The following FAM184A variants were observed in gnomAD, a reference collection of about 807,000 sequenced individuals.
The protein encoded by FAM184A is family with sequence similarity 184 member A.
Under a neutral mutation model 143.8 loss-of-function variants are expected in FAM184A, and 99 were observed. The observed-to-expected ratio is 0.69, with a 90% CI of 0.58 to 0.81. FAM184A has a LOEUF of 0.81. FAM184A is among the 40% of genes least tolerant of loss of function. The pLI is 0.00. For missense variants in FAM184A, 1,217 were observed against 1,310.5 expected (o/e 0.93, Z 1.10); for synonymous variants, 427 against 446.4 (o/e 0.96, Z 0.55).
At chr6:119,130,692 T>C (rs1364914593) in intron 1 of FAM184A, among the ~76,000 whole-genome samples, 1 of 151,452 alleles carries the variant, frequency 6.6e-6, no homozygotes, top group African/African-American at 2.4e-5. Context: ...TAAACAAACG[T>C]CAAATTGCCA....
chr6:119,142,924 G>A (rs1192554921), intron 1 of FAM184A, among the ~76,000 whole-genome samples: 2 of 152,180 alleles, frequency 1.3e-5, no homozygotes, highest in Non-Finnish European at 2.9e-5. Context: ...CGCCAAGTGA[G>A]AACACAGACA....
chr6:119,093,964 T>A (rs1462842565), intron 1 of FAM184A, among the ~76,000 whole-genome samples: 3 of 152,008 alleles, frequency 2.0e-5, no homozygotes, highest in African/African-American at 7.2e-5. Flanking sequence ...TGCCCTTTCA[T>A]CTTTTTTTCC....
intron 1 of FAM184A, among the ~76,000 whole-genome samples, chr6:119,128,396 A>C (rs1429552462): frequency 6.6e-6 from 1 of 152,184 alleles, no homozygotes; most frequent in East Asian, 1.9e-4. Flanking sequence ...TCTGATGGTT[A>C]TCTTGGGTAA....
chr6:119,111,183 A>G (rs931885952), intron 1 of FAM184A, among the ~76,000 whole-genome samples: 2 of 152,258 alleles, frequency 1.3e-5, no homozygotes, highest in African/African-American at 4.8e-5. Context: ...ATATAATATT[A>G]TTCAGCCTCA....
intron 1 of FAM184A, among the ~76,000 whole-genome samples, chr6:119,051,772 T>C (rs1000245889): frequency 6.6e-6 from 1 of 152,208 alleles, no homozygotes; most frequent in African/African-American, 2.4e-5. Context: ...ATGTGTTATC[T>C]TGTCTGATCG....
At chr6:118,975,886 AATC>A in intron 12 of FAM184A, 28 bp downstream of exon 12, 1 of 1,591,328 alleles carries the variant, frequency 6.3e-7, no homozygotes, top group Non-Finnish European at 8.5e-7. Flanking sequence ...AAATTTAAGA[AATC>A]ATCAGAGTAC....
upstream of FAM184A, among the ~76,000 whole-genome samples, chr6:119,080,928 G>A (rs988856656): frequency 3.3e-5 from 5 of 152,162 alleles, no homozygotes; most frequent in African/African-American, 1.2e-4. Flanking sequence ...TCTGCTTCTG[G>A]AGAGGCCTCG....
At chr6:119,048,503 C>T (rs1163989829) in intron 1 of FAM184A, among the ~76,000 whole-genome samples, 1 of 152,076 alleles carries the variant, frequency 6.6e-6, no homozygotes. Context: ...GCCAAAAGCT[C>T]CTTCAGCTGA....
At chr6:119,005,824 A>C (rs1784899879) in intron 7 of FAM184A, 1 of 419,156 alleles carries the variant, frequency 2.4e-6, no homozygotes, top group Admixed American at 3.7e-5. Flanking sequence ...GCTGTGCTTC[A>C]TAAGAGTGGA....
At chr6:118,982,186 C>T (rs1456391611) in intron 9 of FAM184A, among the ~76,000 whole-genome samples, 3 of 151,996 alleles carry the variant, frequency 2.0e-5, no homozygotes, top group Admixed American at 6.6e-5. Context: ...TTGAAGACAG[C>T]CTAGAAAGAA....
At chr6:118,989,309 T>C (rs912382210) in intron 9 of FAM184A, among the ~76,000 whole-genome samples, 3 of 151,460 alleles carry the variant, frequency 2.0e-5, no homozygotes, top group African/African-American at 7.3e-5. Context: ...TACATACCCC[T>C]CCCTCCCTCC....
intron 1 of FAM184A, among the ~76,000 whole-genome samples, chr6:119,061,170 A>G (rs1787221397): frequency 2.0e-5 from 3 of 152,202 alleles, no homozygotes; most frequent in Non-Finnish European, 4.4e-5. Flanking sequence ...AGGTATAGGT[A>G]AAAGAGCTAG....
At chr6:119,064,189 C>T (rs1787358271) in intron 1 of FAM184A, among the ~76,000 whole-genome samples, 1 of 152,146 alleles carries the variant, frequency 6.6e-6, no homozygotes, top group Non-Finnish European at 1.5e-5. Flanking sequence ...CTCCATCCTA[C>T]CTCACTTCCT....
chr6:119,007,817 T>C (rs1051436243), intron 6 of FAM184A, among the ~76,000 whole-genome samples: 1 of 152,002 alleles, frequency 6.6e-6, no homozygotes, highest in Non-Finnish European at 1.5e-5. Context: ...GGCGCGCGAC[T>C]GTAATCCCAG....
At chr6:118,987,718 TAAC>T (rs1422343749) in intron 9 of FAM184A, among the ~76,000 whole-genome samples, 1 of 152,162 alleles carries the variant, frequency 6.6e-6, no homozygotes, top group Non-Finnish European at 1.5e-5. Flanking sequence ...TAAACTAGTT[TAAC>T]AACAAAAAAA....
At chr6:119,041,481 G>C (rs906311354) in intron 1 of FAM184A, among the ~76,000 whole-genome samples, 3 of 152,184 alleles carry the variant, frequency 2.0e-5, no homozygotes, top group African/African-American at 4.8e-5. Flanking sequence ...TCTATCGCCT[G>C]AGAGCACAGC....
At position 119,020,164 on chromosome 6, in the gene FAM184A, C is replaced by T; in HGVS notation, c.1151-5G>A. On this transcript the variant is annotated splice_polypyrimidine_tract_variant and splice_region_variant and intron_variant, in intron 3 of 17. Transcript: ENST00000338891. ...CTTGAAGCATTCCAATATGACCTATCCCCCAAAAAGAAAATCCCTTCAATT... is the reference window on the plus strand; with the variant it reads ...CTTGAAGCATTCCAATATGACCTATTCCCCAAAAAGAAAATCCCTTCAATT... 1 of 1,519,960 alleles carries T rather than the reference C, an allele frequency of 6.6e-7. No homozygotes were observed. The highest frequency in any genetic ancestry group is 8.8e-7 in the Non-Finnish European group (1 of 1,139,446). 94.2% of individuals were successfully genotyped at this position (1,519,960 alleles called of 1,614,324 possible). A position where few individuals can be genotyped will look rare whatever the true frequency, so the allele number is the denominator to read the frequency against.
chr6:119,135,761 A>G (rs988304424), intron 1 of FAM184A, among the ~76,000 whole-genome samples: 1 of 152,206 alleles, frequency 6.6e-6, no homozygotes, highest in African/African-American at 2.4e-5. Flanking sequence ...GCTCAGATCC[A>G]TACTTCACGC....
At chr6:118,993,173 T>C (rs1399825010) in intron 9 of FAM184A, among the ~76,000 whole-genome samples, 1 of 152,224 alleles carries the variant, frequency 6.6e-6, no homozygotes, top group East Asian at 1.9e-4. Context: ...TTCTTGTTAA[T>C]TTTTGAGATT....
Sources: allele counts gnomAD v4.1 joint callset (sites outside exome capture counted in the v4.1 genomes callset), GRCh38; gene constraint gnomAD v4.1.1; transcripts MANE v1.5; gene names NCBI Gene and HGNC (gene_info 2026-07-23, HGNC 2026-07-21).